TMOD1: variants seen among roughly 807,000 people sequenced by gnomAD.
TMOD1 encodes the protein tropomodulin 1.
In TMOD1, 17 loss-of-function variants were observed where a neutral mutation model predicts 40.6. The observed-to-expected ratio is 0.42, with a 90% CI of 0.29 to 0.63. TMOD1 has a LOEUF of 0.63. TMOD1 is among the 20% of genes least tolerant of loss of function. The probability of loss-of-function intolerance (pLI) is 0.22; values close to 1 mark genes in which losing one functional copy is unlikely to be tolerated. For synonymous variants in TMOD1, 181 were observed against 175.0 expected (o/e 1.03, Z -0.27); for missense variants, 391 against 447.6 (o/e 0.87, Z 1.14).
intron 1 of TMOD1, among the ~76,000 whole-genome samples, chr9:97,503,884 G>A (rs1175694046): frequency 6.6e-6 from 1 of 152,190 alleles, no homozygotes; most frequent in Non-Finnish European, 1.5e-5. Flanking sequence ...AGAGGGCTTA[G>A]AGTCTTCCTT....
Position 97,565,855 on chromosome 9 carries a change from C to T in TMOD1, c.626C>T (p.Pro209Leu), listed in dbSNP as rs1362699165. The change falls in exon 7 of 10, where the codon CCC becomes CTC. Residue 209 changes from proline (P) to leucine (L), a missense_variant. Pro to Leu is a moderately conservative substitution (Grantham distance 98, BLOSUM62 -3). Transcript: ENST00000259365. ...TTGCCTTTCTTTGTGCAGAATATCCCCATCCCCACCCTCAAGGCATATGCA... is the reference window on the plus strand; with the variant it reads ...TTGCCTTTCTTTGTGCAGAATATCCTCATCCCCACCCTCAAGGCATATGCA... The part of the protein sequence containing the change: ...EVNLNNIRNI[P>L]IPTLKAYAEA... 11 of 1,613,796 alleles carry T rather than the reference C, an allele frequency of 6.8e-6. No homozygotes were observed. Among genetic ancestry groups the T allele is most frequent in the Non-Finnish European group, 8.5e-6 (10 of 1,179,842 alleles).
intron 2 of TMOD1, among the ~76,000 whole-genome samples, chr9:97,543,749 C>G (rs546290081): frequency 3.9e-5 from 6 of 152,328 alleles, no homozygotes; most frequent in African/African-American, 1.2e-4. Flanking sequence ...GTCTCACTCT[C>G]TTGCATCACC....
intron 4 of TMOD1, chr9:97,555,708 C>T (rs1335622882): frequency 6.5e-7 from 1 of 1,544,170 alleles, no homozygotes; most frequent in South Asian, 1.2e-5. Context: ...GTCCCAGGTT[C>T]TATGTGAGTT....
At position 97,599,917 on chromosome 9, in the gene TMOD1, G is replaced by GTTA; in HGVS notation, c.*225_*227dup. ...TCTTTAGTCACAGAAGTTGAATCTG[G>GTTA]TTATTATTTAAAAACTAGAAGCCCC... On this transcript the variant is annotated 3_prime_UTR_variant, in exon 10 of 10. Transcript: ENST00000259365. 1 of 1,314,220 alleles carries GTTA rather than the reference G, an allele frequency of 7.6e-7. No individual in the cohort carries two copies. The highest frequency in any genetic ancestry group is 9.8e-7 in the Non-Finnish European group (1 of 1,025,226). 81.4% of individuals were successfully genotyped at this position (1,314,220 alleles called of 1,614,324 possible).
At chr9:97,530,818 A>C in intron 2 of TMOD1, among the ~76,000 whole-genome samples, 6 of 85,346 alleles carry the variant, frequency 7.0e-5, no homozygotes, top group Admixed American at 3.5e-4. Flanking sequence ...AGACAGTTTC[A>C]CTGTTGTTGC....
chr9:97,546,187 T>G lies in TMOD1; in HGVS notation c.123T>G (p.Asn41Lys). The G allele has an allele frequency of 6.2e-7, 1 of 1,610,438 alleles. No individual in the cohort carries two copies. The highest frequency in any genetic ancestry group is 8.5e-7 in the Non-Finnish European group (1 of 1,179,068). ...CCCCCCCACAACCTCCAATGTAGAATGCACTGCTGCCTGCAGGCCTGAGGC... is the reference window on the plus strand; with the variant it reads ...CCCCCCCACAACCTCCAATGTAGAAGGCACTGCTGCCTGCAGGCCTGAGGC... ...ENELDELDPD[N>K]ALLPAGLRQK... Residue 41 changes from asparagine (N) to lysine (K), a missense_variant and splice_region_variant, in exon 3 of 10, where the codon AAT (asparagine) becomes AAG (lysine). By Grantham distance (94) the Asn-to-Lys change is moderately conservative (BLOSUM62 0). Transcript: ENST00000259365.
rs1830660990 is a variant in TMOD1 at position 97,562,795 on chromosome 9, C to T, written c.461C>T (p.Ser154Phe). The T allele has an allele frequency of 1.3e-6, 2 of 1,585,598 alleles. No individual in the cohort carries two copies. The highest frequency in any genetic ancestry group is 2.7e-5 in the African/African-American group (2 of 73,020). ...QQYYQALSSS[S>F]IMNKEGLNSV... ...TACTACCAGGCCCTGAGCAGCAGCT[C>T]CATCATGAACAAGGAGGGGCTCAAC... Residue 154 changes from serine (S) to phenylalanine (F), a missense_variant, in exon 5 of 10, where the codon TCC (serine) becomes TTC (phenylalanine). Ser to Phe is a radical substitution (Grantham distance 155). Coordinates refer to ENST00000259365, the MANE Select transcript of TMOD1 (RefSeq NM_003275.4).
chr9:97,546,654 A>G (rs1830364342), intron 3 of TMOD1, among the ~76,000 whole-genome samples: 1 of 152,200 alleles, frequency 6.6e-6, no homozygotes, highest in African/African-American at 2.4e-5. Context: ...TGAGAGTAAA[A>G]GAAGAAACTG....
chr9:97,589,500 G>C (rs116565030), intron 8 of TMOD1, among the ~76,000 whole-genome samples: 1,860 of 151,414 alleles, frequency 0.012, 41 homozygotes, highest in African/African-American at 0.043. Flanking sequence ...AGGATAGTCT[G>C]GATTTCTTGA....
chr9:97,533,066 A>G (rs1459878173), intron 2 of TMOD1, among the ~76,000 whole-genome samples: 1 of 152,170 alleles, frequency 6.6e-6, no homozygotes, highest in Non-Finnish European at 1.5e-5. Context: ...CACGTCACCT[A>G]ATGTTTCCAG....
Position 97,587,198 on chromosome 9 carries a change from A to G in TMOD1, c.871-4093A>G, listed in dbSNP as rs142863816. ...TTGTTTCCAGGTTTGTCTATTACATATAAAGCTGCTATAAACATTCATGTA... is the reference window on the plus strand; with the variant it reads ...TTGTTTCCAGGTTTGTCTATTACATGTAAAGCTGCTATAAACATTCATGTA... On this transcript the variant is annotated intron_variant, in intron 8 of 9. Coordinates refer to ENST00000259365, the MANE Select transcript of TMOD1 (RefSeq NM_003275.4). Among the ~76,000 whole-genome samples, 618 of 152,378 alleles carry G rather than the reference A, an allele frequency of 4.1e-3. 8 individuals are homozygous for G. Among genetic ancestry groups the G allele is most frequent in the African/African-American group, 0.013 (529 of 41,588 alleles).
intron 5 of TMOD1, 64 bp downstream of exon 5, chr9:97,562,885 C>A: frequency 7.5e-7 from 1 of 1,336,472 alleles, no homozygotes; most frequent in Non-Finnish European, 1.0e-6. Context: ...CACTGATGTT[C>A]TCTGGCTCAT....
chr9:97,504,292 T>C (rs1268899187), intron 1 of TMOD1, among the ~76,000 whole-genome samples: 2 of 152,064 alleles, frequency 1.3e-5, no homozygotes, highest in Non-Finnish European at 2.9e-5. Context: ...AGGCAGGAGC[T>C]AACAGGAGCT....
chr9:97,572,057 G>A (rs1830827632), intron 8 of TMOD1, among the ~76,000 whole-genome samples: 1 of 152,186 alleles, frequency 6.6e-6, no homozygotes, highest in Non-Finnish European at 1.5e-5. Flanking sequence ...GGGCTGTGAG[G>A]TCCATCAGAG....
chr9:97,556,440 G>A (rs1830538421), intron 4 of TMOD1, among the ~76,000 whole-genome samples: 1 of 152,174 alleles, frequency 6.6e-6, no homozygotes, highest in African/African-American at 2.4e-5. Flanking sequence ...TCACAGAGCG[G>A]GTGACTGGGA....
chr9:97,537,286 C>G (rs142119441), intron 2 of TMOD1, among the ~76,000 whole-genome samples: 2 of 152,250 alleles, frequency 1.3e-5, no homozygotes, highest in Admixed American at 6.5e-5. Context: ...GTGTGCATGT[C>G]TGCACATGTG....
At chr9:97,571,675 T>C (rs1830820242) in intron 8 of TMOD1, among the ~76,000 whole-genome samples, 1 of 152,254 alleles carries the variant, frequency 6.6e-6, no homozygotes, top group Non-Finnish European at 1.5e-5. Flanking sequence ...CTATGCAACC[T>C]GCCCAAGGCC....
intron 1 of TMOD1, among the ~76,000 whole-genome samples, chr9:97,508,940 C>T (rs1356079794): frequency 6.6e-6 from 1 of 152,116 alleles, no homozygotes; most frequent in African/African-American, 2.4e-5. Flanking sequence ...TAAAATAAAC[C>T]TATATAGGCA....
intron 8 of TMOD1, among the ~76,000 whole-genome samples, chr9:97,574,936 C>CTTTTAT (rs1830898615): frequency 6.6e-6 from 1 of 152,186 alleles, no homozygotes; most frequent in South Asian, 2.1e-4. Context: ...GACCAACCAG[C>CTTTTAT]TCTCTATAAA....
Sources: allele counts gnomAD v4.1 joint callset (sites outside exome capture counted in the v4.1 genomes callset), GRCh38; gene constraint gnomAD v4.1.1; transcripts MANE v1.5; gene names NCBI Gene and HGNC (gene_info 2026-07-23, HGNC 2026-07-21).